The following CBL variants were observed in gnomAD, a reference collection of about 807,000 sequenced individuals.
The protein encoded by CBL is Cbl proto-oncogene, also known as E3 ubiquitin-protein ligase CBL.
A neutral mutation model predicts 96.9 loss-of-function variants in CBL; 45 were observed. The observed-to-expected ratio is 0.46, with a 90% confidence interval of 0.37 to 0.60. The LOEUF (loss-of-function observed/expected upper bound fraction) is 0.60. CBL is among the 20% of genes least tolerant of loss of function. CBL has a pLI of 0.00. For synonymous variants in CBL, 420 were observed against 426.8 expected (o/e 0.98, Z 0.20); for missense variants, 1,024 against 1,143.5 (o/e 0.90, Z 1.51).
intron 11 of CBL, 141 bp downstream of exon 11, chr11:119,285,707 G>A (rs1592405700): frequency 1.1e-6 from 1 of 922,596 alleles, no homozygotes; most frequent in Non-Finnish European, 1.7e-6. Flanking sequence ...ACCAGCCTGG[G>A]GGACGTAGTG....
chr11:119,280,794 G>C (rs1949928039), intron 9 of CBL, among the ~76,000 whole-genome samples: 1 of 152,012 alleles, frequency 6.6e-6, no homozygotes, highest in East Asian at 1.9e-4. Context: ...GATGTTGTGG[G>C]AGAGGGTTTA....
intron 12 of CBL, among the ~76,000 whole-genome samples, chr11:119,293,608 A>G (rs1428932338): frequency 6.6e-6 from 1 of 152,148 alleles, no homozygotes; most frequent in Non-Finnish European, 1.5e-5. Context: ...CTGGCATTTC[A>G]GGTATACTTC....
rs35248070 is a variant in CBL, at chr11:119,260,939, C to CT, written c.444-10776dup. On this transcript the variant is annotated intron_variant, in intron 2 of 15. Coordinates refer to ENST00000264033, the MANE Select transcript of CBL (RefSeq NM_005188.4). ...TTTCACTTTGGCAGTTAAATCTCTA[C>CT]TTTTTTTTTTTTTTTTTTTTAATGG... Among the ~76,000 whole-genome samples, 264 of 89,922 alleles carry CT rather than the reference C, an allele frequency of 2.9e-3. 4 individuals are homozygous for CT. Among genetic ancestry groups the CT allele is most frequent in the East Asian group, 6.5e-3 (15 of 2,302 alleles). 59.0% of individuals were successfully genotyped at this position (89,922 alleles called of 152,430 possible).
rs869150071 is a variant in CBL, at chr11:119,270,436, ATTTTTTTTTTTTT to A, written c.444-1283_444-1271del. On this transcript the variant is annotated intron_variant, in intron 2 of 15. Transcript: ENST00000264033. ...AATTTTTATATATATATATATATATATTTTTTTTTTTTTTTTTTTTTTTTTTTTGAGACGGAGT... is the reference window on the plus strand; with the variant it reads ...AATTTTTATATATATATATATATATATTTTTTTTTTTTTTTGAGACGGAGT... 1.2e-3 allele frequency among the ~76,000 whole-genome samples: 46 copies of A among 38,664 alleles called. 2 individuals carry two copies. Among genetic ancestry groups the A allele is most frequent in the Non-Finnish European group, 1.7e-3 (40 of 23,038 alleles). 25.4% of individuals were successfully genotyped at this position (38,664 alleles called of 152,430 possible).
chr11:119,215,209 T>C (rs1208493426), intron 1 of CBL, among the ~76,000 whole-genome samples: 3 of 152,116 alleles, frequency 2.0e-5, no homozygotes, highest in Admixed American at 6.6e-5. Flanking sequence ...ACTCTTGATA[T>C]AGGAAAAACC....
In CBL at chr11:119,297,449, A is replaced by T; in HGVS notation, c.2219A>T (p.Gln740Leu). Reference sequence around the variant, plus strand: ...GAAGCAATGTATAATATTCAGTCCCAGGCGCCATCTATCACCGAGAGCAGC... The same window carrying T: ...GAAGCAATGTATAATATTCAGTCCCTGGCGCCATCTATCACCGAGAGCAGC... ...TYEAMYNIQS[Q>L]APSITESSTF... Residue 740 changes from glutamine to leucine, a missense_variant, in exon 14 of 16, where the codon CAG becomes CTG. By Grantham distance (113) the Gln-to-Leu change is moderately radical. Coordinates refer to ENST00000264033, the MANE Select transcript of CBL (RefSeq NM_005188.4). The T allele has an allele frequency of 6.2e-7, 1 of 1,613,634 alleles. No homozygotes were observed. The highest frequency in any genetic ancestry group is 1.1e-5 in the South Asian group (1 of 91,062).
chr11:119,234,320 T>G (rs1212645249), intron 2 of CBL, among the ~76,000 whole-genome samples: 1 of 152,310 alleles, frequency 6.6e-6, no homozygotes, highest in Non-Finnish European at 1.5e-5. Flanking sequence ...CATCTTTTCT[T>G]AAAAAGATTC....
At position 119,271,715 on chromosome 11, in the gene CBL, T is replaced by C. The variant is rs1238042752; in HGVS notation, c.444-20T>C. On this transcript the variant is annotated intron_variant, in intron 2 of 15. Coordinates refer to ENST00000264033, the MANE Select transcript of CBL (RefSeq NM_005188.4). ...AAAATAATTTTATGTGTTTAATTAT[T>C]GCATTCTGATCATTTGTAGGCGAAA... The C allele has an allele frequency of 4.4e-6, 7 of 1,608,948 alleles. No individual in the cohort carries two copies. The highest frequency in any genetic ancestry group is 5.1e-6 in the Non-Finnish European group (6 of 1,175,424).
chr11:119,249,983 G>A (rs1046710416), intron 2 of CBL, among the ~76,000 whole-genome samples: 2 of 152,088 alleles, frequency 1.3e-5, no homozygotes, highest in Non-Finnish European at 2.9e-5. Flanking sequence ...TGTCATCTTT[G>A]TCACTCATAG....
intron 2 of CBL, among the ~76,000 whole-genome samples, chr11:119,244,581 A>ATTTTTTTTTTTTGTTTTTTT (rs1949611041): frequency 9.6e-6 from 1 of 104,404 alleles, no homozygotes; most frequent in Non-Finnish European, 1.9e-5. Flanking sequence ...TGCCCGGCTA[A>ATTTTTTTTTTTTGTTTTTTT]TTTTTTTTTT....
intron 1 of CBL, among the ~76,000 whole-genome samples, chr11:119,229,883 A>G (rs558026565): frequency 6.6e-6 from 1 of 151,928 alleles, no homozygotes; most frequent in South Asian, 2.1e-4. Context: ...ATGTGCCACC[A>G]TGTCCGGCTA....
chr11:119,223,849 T>A (rs991038372), intron 1 of CBL, among the ~76,000 whole-genome samples: 2 of 152,152 alleles, frequency 1.3e-5, no homozygotes, highest in East Asian at 3.9e-4. Flanking sequence ...CTGGTCTCGA[T>A]CTCCTGACCT....
chr11:119,263,339 A>AT (rs1380944066), intron 2 of CBL, among the ~76,000 whole-genome samples: 1 of 152,088 alleles, frequency 6.6e-6, no homozygotes, highest in African/African-American at 2.4e-5. Flanking sequence ...GAGTAAGGAG[A>AT]TTGAGTCTGT....
At chr11:119,215,812 G>C (rs1010390395) in intron 1 of CBL, among the ~76,000 whole-genome samples, 2 of 151,948 alleles carry the variant, frequency 1.3e-5, no homozygotes, top group African/African-American at 4.8e-5. Flanking sequence ...GAGCGACAGA[G>C]CTAGACTCTG....
intron 1 of CBL, among the ~76,000 whole-genome samples, chr11:119,221,229 C>T (rs1262894149): frequency 6.8e-6 from 1 of 147,724 alleles, no homozygotes; most frequent in East Asian, 2.0e-4. Context: ...GGTGACAGAG[C>T]GAGACTCCAT....
chr11:119,280,971 A>C (rs1435495023), intron 9 of CBL, among the ~76,000 whole-genome samples: 1 of 152,150 alleles, frequency 6.6e-6, no homozygotes, highest in Admixed American at 6.5e-5. Flanking sequence ...TCCTGGTATA[A>C]TTATTTTTAT....
rs942852777 is a variant in CBL, at chr11:119,206,576, G to A, written c.159G>A (p.Lys53=). The A allele has an allele frequency of 1.3e-6, 2 of 1,549,376 alleles. No individual in the cohort carries two copies. Among genetic ancestry groups the A allele is most frequent in the Non-Finnish European group, 1.7e-6 (2 of 1,146,528 alleles). Residue 53 remains lysine, a synonymous_variant, in exon 1 of 16, where the codon AAG becomes AAA. Transcript: ENST00000264033. ...LSPHPPGTVD[K]KMVEKCWKLM... The stretch of plus-strand genomic sequence containing the variant: ...CCCACCCGCCGGGGACGGTGGACAA[G>A]AAGATGGTGGAGAAGTGCTGGAAGC...
At chr11:119,273,392 A>G (rs562047656) in intron 3 of CBL, among the ~76,000 whole-genome samples, 1 of 152,236 alleles carries the variant, frequency 6.6e-6, no homozygotes, top group Non-Finnish European at 1.5e-5. Context: ...ATGACATTAC[A>G]AGACCTGGTC....
At chr11:119,211,360 G>A (rs1949317613) in intron 1 of CBL, among the ~76,000 whole-genome samples, 1 of 151,932 alleles carries the variant, frequency 6.6e-6, no homozygotes, top group Non-Finnish European at 1.5e-5. Context: ...CAACAAGAGT[G>A]AAACTCTGTT....
Sources: allele counts gnomAD v4.1 joint callset (sites outside exome capture counted in the v4.1 genomes callset), GRCh38; gene constraint gnomAD v4.1.1; transcripts MANE v1.5; gene names NCBI Gene and HGNC (gene_info 2026-07-23, HGNC 2026-07-21).